Variants in KCNG3 observed in about 807,000 individuals in gnomAD.
KCNG3 encodes the protein potassium voltage-gated channel modifier subfamily G member 3, also known as voltage-gated potassium channel regulatory subunit KCNG3.
In KCNG3, 15 loss-of-function variants were observed where a neutral mutation model predicts 29.0. That is an observed-to-expected ratio of 0.52 (90% confidence interval 0.35 to 0.80). KCNG3 has a LOEUF of 0.80. Ranked by LOEUF, KCNG3 falls within the 30% of genes least tolerant of loss-of-function variation. The pLI is 0.01. For synonymous variants in KCNG3, 322 were observed against 248.9 expected (o/e 1.29, Z -2.76); for missense variants, 512 against 605.7 (o/e 0.85, Z 1.62).
chr2:42,459,633 C>A (rs1255671528), intron 1 of KCNG3, among the ~76,000 whole-genome samples: 1 of 152,124 alleles, frequency 6.6e-6, no homozygotes, highest in Non-Finnish European at 1.5e-5. Flanking sequence ...TACAGAGCCA[C>A]AGAGAGGTGC....
At chr2:42,404,720 C>T in the KCNG3 span, among the ~76,000 whole-genome samples, 1 of 151,944 alleles carries the variant, frequency 6.6e-6, no homozygotes. Context: ...GGAGGAAGAC[C>T]CCATCTCACC....
At chr2:42,491,261 A>G (rs114284776) in intron 1 of KCNG3, among the ~76,000 whole-genome samples, 269 of 152,248 alleles carry the variant, frequency 1.8e-3, no homozygotes, top group African/African-American at 6.0e-3. Context: ...GCTTTACATT[A>G]ATGATCTCCA....
chr2:42,432,590 G>C, the KCNG3 span, among the ~76,000 whole-genome samples: 45 of 152,202 alleles, frequency 3.0e-4, no homozygotes, highest in Non-Finnish European at 4.6e-4. Context: ...ATGAGGTCAG[G>C]TAAAAAAGAG....
chr2:42,493,529 C>A lies in KCNG3; in HGVS notation c.-28G>T. The A allele has an allele frequency of 1.5e-6, 2 of 1,336,424 alleles. No homozygotes were observed. The highest frequency in any genetic ancestry group is 4.1e-5 in the South Asian group (2 of 48,768). The allele number at this position is 1,336,424 out of a possible 1,614,324, so 82.8% of individuals were successfully genotyped here. ...CTGGCCGCCCGGGGGACTTTCGGCC[C>A]GAGGGCCCCGCTGCAGCCCCCCACC... is the stretch of plus-strand genomic sequence containing the variant. On this transcript the variant is annotated 5_prime_UTR_variant, in exon 1 of 2. Transcript: ENST00000306078.
At chr2:42,487,677 G>A (rs564522096) in intron 1 of KCNG3, among the ~76,000 whole-genome samples, 1 of 152,254 alleles carries the variant, frequency 6.6e-6, no homozygotes, top group Admixed American at 6.5e-5. Context: ...AATTGATACA[G>A]TACAATCTTT....
chr2:42,433,716 T>G, the KCNG3 span, among the ~76,000 whole-genome samples: 1 of 152,058 alleles, frequency 6.6e-6, no homozygotes, highest in African/African-American at 2.4e-5. Flanking sequence ...CCAGCCTGGG[T>G]GACAGAACAA....
chr2:42,407,704 G>A, the KCNG3 span, among the ~76,000 whole-genome samples: 54 of 150,188 alleles, frequency 3.6e-4, no homozygotes, highest in Non-Finnish European at 4.9e-4. Flanking sequence ...CAGGTGCCAA[G>A]AGCAAGCAGG....
chr2:42,447,796 C>G (rs2103666666), intron 1 of KCNG3, among the ~76,000 whole-genome samples: 1 of 152,176 alleles, frequency 6.6e-6, no homozygotes, highest in Admixed American at 6.5e-5. Context: ...CTTGGCCTTC[C>G]AAAGCACTGG....
chr2:42,481,589 G>A (rs1156686302), intron 1 of KCNG3, among the ~76,000 whole-genome samples: 1 of 152,058 alleles, frequency 6.6e-6, no homozygotes, highest in Non-Finnish European at 1.5e-5. Context: ...TTAACAAATG[G>A]TAAAAAGAAA....
intron 1 of KCNG3, among the ~76,000 whole-genome samples, chr2:42,460,487 C>A (rs1416759194): frequency 6.6e-6 from 1 of 152,068 alleles, no homozygotes; most frequent in Non-Finnish European, 1.5e-5. Flanking sequence ...CAATCCAATC[C>A]TTAAGAACTC....
chr2:42,476,293 G>C (rs1217779162), intron 1 of KCNG3, among the ~76,000 whole-genome samples: 2 of 150,662 alleles, frequency 1.3e-5, no homozygotes, highest in African/African-American at 2.4e-5. Flanking sequence ...GCAACATAGA[G>C]AAACCCAGTC....
intron 1 of KCNG3, among the ~76,000 whole-genome samples, chr2:42,451,375 C>T (rs1021469738): frequency 2.0e-5 from 3 of 151,850 alleles, no homozygotes; most frequent in Non-Finnish European, 4.4e-5. Context: ...CCCAGGAGTA[C>T]AAGACCAGCC....
At chr2:42,464,522 A>T (rs953704507) in intron 1 of KCNG3, among the ~76,000 whole-genome samples, 2 of 152,220 alleles carry the variant, frequency 1.3e-5, no homozygotes, top group African/African-American at 4.8e-5. Context: ...CTGAGTACTG[A>T]GGTATTGCTG....
the KCNG3 span, among the ~76,000 whole-genome samples, chr2:42,409,038 C>T: frequency 5.3e-5 from 8 of 152,256 alleles, no homozygotes; most frequent in Non-Finnish European, 7.4e-5. Context: ...TGGAGCTGCC[C>T]ACCCCACTGC....
At chr2:42,458,841 T>A (rs1395592798) in intron 1 of KCNG3, among the ~76,000 whole-genome samples, 1 of 150,660 alleles carries the variant, frequency 6.6e-6, no homozygotes, top group African/African-American at 2.4e-5. Context: ...AGTTTTGATA[T>A]TATGTCAGTG....
downstream of KCNG3, among the ~76,000 whole-genome samples, chr2:42,437,932 CTG>C (rs1672402286): frequency 9.7e-6 from 1 of 102,674 alleles, no homozygotes; most frequent in African/African-American, 3.9e-5. Context: ...GAGTGAAACT[CTG>C]TCTCCAAAAA....
intron 1 of KCNG3, among the ~76,000 whole-genome samples, chr2:42,452,243 A>ATATATATATATTTTTTTT: frequency 4.2e-5 from 4 of 95,050 alleles, no homozygotes; most frequent in East Asian, 4.6e-4. Context: ...ATATATATAT[A>ATATATATATATTTTTTTT]TTTTTTTTTT....
chr2:42,413,561 T>C, the KCNG3 span: 1 of 152,202 alleles, frequency 6.6e-6, no homozygotes, highest in Non-Finnish European at 1.5e-5. Flanking sequence ...ATCACTTACA[T>C]TTTAAACCTT....
intron 1 of KCNG3, among the ~76,000 whole-genome samples, chr2:42,488,471 C>T (rs929971873): frequency 2.0e-5 from 3 of 152,118 alleles, no homozygotes; most frequent in African/African-American, 7.2e-5. Context: ...AACTCCTGGG[C>T]TCAGGTGATC....
Sources: gnomAD v4.1 joint callset for allele counts (sites outside exome capture counted in the v4.1 genomes callset) on GRCh38, gnomAD v4.1.1 for gene constraint, MANE v1.5 for transcripts, NCBI Gene and HGNC (gene_info 2026-07-23, HGNC 2026-07-21) for gene names.